P2RX6: variants seen among roughly 807,000 people sequenced by gnomAD.
P2RX6 encodes P2X purinoceptor 6.
In P2RX6, 62 loss-of-function variants were observed where a neutral mutation model predicts 54.2. The observed-to-expected ratio is 1.14, with a 90% CI of 0.93 to 1.41. The LOEUF (loss-of-function observed/expected upper bound fraction) is 1.41, where lower values mean the gene tolerates loss of function less well. P2RX6 is among the 40% of genes most tolerant of loss of function. The probability of loss-of-function intolerance (pLI) is 0.00; values close to 1 mark genes in which losing one functional copy is unlikely to be tolerated. For missense variants in P2RX6, 541 were observed against 566.3 expected, an observed-to-expected ratio of 0.96 and a Z score of 0.45; for synonymous variants, 211 against 231.9, an observed-to-expected ratio of 0.91 and a Z score of 0.82.
In P2RX6 at chr22:21,026,384, T is replaced by C. The variant is rs775056506; in HGVS notation, c.1129-36T>C. On this transcript the variant is annotated intron_variant, in intron 11 of 11. Coordinates refer to ENST00000413302, the MANE Select transcript of P2RX6 (RefSeq NM_005446.5). The surrounding 1 kb of genome is among the most constrained non-coding windows in gnomAD (Gnocchi z 4.0). ...GGGTTCTGCCACACTTAGGAAGATG[T>C]TGGCTGGATCCCTGACCTGCTGTCC... The C allele has an allele frequency of 1.3e-6, 2 of 1,587,780 alleles. No individual in the cohort carries two copies. Among genetic ancestry groups the C allele is most frequent in the Non-Finnish European group, 1.7e-6 (2 of 1,166,998 alleles).
upstream of P2RX6, chr22:21,012,745 A>AC: frequency 3.3e-6 from 1 of 303,660 alleles, no homozygotes; most frequent in East Asian, 8.0e-5. Flanking sequence ...CCTGGAAAGT[A>AC]CCCCCCTTTC....
intron 2 of P2RX6, among the ~76,000 whole-genome samples, chr22:21,016,660 G>A (rs1926446860): frequency 1.3e-5 from 2 of 151,780 alleles, no homozygotes; most frequent in Admixed American, 1.3e-4. Context: ...AGAAGGGAGT[G>A]TCCAGGACTA....
Position 21,025,993 on chromosome 22 carries a change from A to G in P2RX6, c.985-18A>G. On this transcript the variant is annotated intron_variant, in intron 9 of 11. Coordinates refer to ENST00000413302, the MANE Select transcript of P2RX6 (RefSeq NM_005446.5). ...CTGACAGTCGTGGGCTGAGAGGTTC[A>G]GCTCAGATCTCTCTCAGGCAGGGAA... 1 of 1,606,202 alleles carries G rather than the reference A, an allele frequency of 6.2e-7. No individual in the cohort carries two copies.
chr22:21,015,162 G>C (rs1926105373), upstream of P2RX6: 2 of 1,463,486 alleles, frequency 1.4e-6, no homozygotes, highest in African/African-American at 3.0e-5. Context: ...GGCTGCAGCT[G>C]CCATGCTGAC....
intron 8 of P2RX6, among the ~76,000 whole-genome samples, chr22:21,024,809 G>A (rs1053948439): frequency 1.3e-4 from 20 of 150,494 alleles, no homozygotes; most frequent in African/African-American, 4.6e-4. Flanking sequence ...GACCTCAGGT[G>A]ATCTGCCCAC....
intron 8 of P2RX6, among the ~76,000 whole-genome samples, chr22:21,024,817 C>G (rs6519735): frequency 0.49 from 71,791 of 146,720 alleles, 17,760 homozygotes; most frequent in South Asian, 0.67. Flanking sequence ...GTGATCTGCC[C>G]ACTTCAGCCT....
chr22:21,014,944 A>C (rs1201781429), upstream of P2RX6: 1 of 443,898 alleles, frequency 2.3e-6, no homozygotes, highest in East Asian at 3.9e-5. Flanking sequence ...GTGAGGCCAG[A>C]GGGCAGGGAC....
At position 21,015,267 on chromosome 22, in the gene P2RX6, G is replaced by T; in HGVS notation, c.93G>T (p.Val31=). 6.5e-7 allele frequency: 1 copy of T among 1,549,200 alleles called. No homozygotes were observed. Among genetic ancestry groups the T allele is most frequent in the Non-Finnish European group, 8.6e-7 (1 of 1,156,968 alleles). The change falls in exon 1 of 12, where the codon GTG becomes GTT. Residue 31 remains valine (V), a synonymous_variant. Transcript: ENST00000413302. The stretch of plus-strand genomic sequence containing the variant: ...TGGATTATAAGACGGAGAAGTATGT[G>T]ATGACCAGGAACTGGCGGGTGGGCG... ...GLLDYKTEKY[V]MTRNWRVGAL... is the part of the protein sequence containing the mutation.
rs146202031 is a variant in P2RX6 at position 21,023,069 on chromosome 22, C to T, written c.557+34C>T. ...CCCCACAATCCCCTACCCCAACTGG[C>T]GCAGGGCCCCAGGCCTGGCAGAGGC... On this transcript the variant is annotated intron_variant, in intron 5 of 11. Coordinates refer to ENST00000413302, the MANE Select transcript of P2RX6 (RefSeq NM_005446.5). The T allele has an allele frequency of 1.2e-3, 1,991 of 1,608,246 alleles. 3 individuals carry two copies. The highest frequency in any genetic ancestry group is 1.6e-3 in the Non-Finnish European group (1,860 of 1,174,726).
intron 3 of P2RX6, among the ~76,000 whole-genome samples, chr22:21,019,556 C>T (rs1272963011): frequency 6.6e-6 from 1 of 152,234 alleles, no homozygotes; most frequent in Non-Finnish European, 1.5e-5. Context: ...TCAGGTGACC[C>T]ACCAGCCTCG....
chr22:21,013,507 G>C (rs1326954317), upstream of P2RX6, among the ~76,000 whole-genome samples: 1 of 152,228 alleles, frequency 6.6e-6, no homozygotes, highest in African/African-American at 2.4e-5. Context: ...AGGCTCACCA[G>C]AGTGCAGAGT....
chr22:21,027,030 C>T lies in P2RX6; in HGVS notation c.*413C>T, dbSNP rs1292775673. Reference sequence around the variant, plus strand: ...GGCCCTCCTCCCCCATCTGCACCCCCATCATAGGTAGAGACCCCACCCTCC... The same window carrying T: ...GGCCCTCCTCCCCCATCTGCACCCCTATCATAGGTAGAGACCCCACCCTCC... On this transcript the variant is annotated 3_prime_UTR_variant, in exon 12 of 12. Transcript: ENST00000413302. 6.6e-5 allele frequency: 14 copies of T among 210,956 alleles called. No individual in the cohort carries two copies. In the Admixed American group the frequency reaches 6.8e-4, roughly 10 times the overall value. The allele number at this position is 210,956 out of a possible 1,614,324, so 13.1% of individuals were successfully genotyped here.
At chr22:21,013,671 A>G (rs887124488), upstream of P2RX6, 2 of 152,270 alleles carry the variant, frequency 1.3e-5, no homozygotes, top group Non-Finnish European at 2.9e-5. Context: ...GACAAATGGC[A>G]CACTATGTCT....
At chr22:21,013,089 C>A, upstream of P2RX6, 2 of 162,076 alleles carry the variant, frequency 1.2e-5, no homozygotes, top group South Asian at 3.4e-4. Flanking sequence ...GGGGCACTCC[C>A]TTGGCACAGA....
At chr22:21,018,351 G>C in intron 3 of P2RX6, 1 of 415,650 alleles carries the variant, frequency 2.4e-6, no homozygotes, top group Non-Finnish European at 4.5e-6. Flanking sequence ...CCCGAGCTCT[G>C]GGCAGCAGCA....
chr22:21,020,440 G>A (rs113222290), intron 3 of P2RX6, among the ~76,000 whole-genome samples: 2,560 of 152,154 alleles, frequency 0.017, 187 homozygotes, highest in Admixed American at 0.13. Context: ...TGGGCCAGGG[G>A]GCTAGCTAGG....
intron 8 of P2RX6, among the ~76,000 whole-genome samples, chr22:21,025,382 G>A (rs1928241847): frequency 6.6e-6 from 1 of 151,966 alleles, no homozygotes; most frequent in Non-Finnish European, 1.5e-5. Context: ...GAAACCACGT[G>A]GGGCTGGCTC....
chr22:21,011,654 T>TA, upstream of P2RX6: 1 of 607,602 alleles, frequency 1.6e-6, no homozygotes, highest in South Asian at 1.6e-5. Flanking sequence ...CCCTCCCCCC[T>TA]CTTCTGCCAT....
Position 21,026,986 on chromosome 22 carries a change from C to T in P2RX6, c.*369C>T, listed in dbSNP as rs923325653. On this transcript the variant is annotated 3_prime_UTR_variant, in exon 12 of 12. Coordinates refer to ENST00000413302, the MANE Select transcript of P2RX6 (RefSeq NM_005446.5). The surrounding 1 kb of genome is among the most constrained non-coding windows in gnomAD (Gnocchi z 4.0). Reference sequence around the variant, plus strand: ...TGCTTACCAGCTGTCAGCACAGACCCTCCTGCTGCCTGGGTCCTGGCCCTC... The same window carrying T: ...TGCTTACCAGCTGTCAGCACAGACCTTCCTGCTGCCTGGGTCCTGGCCCTC... 2 of 247,620 alleles carry T rather than the reference C, an allele frequency of 8.1e-6. No homozygotes were observed. The highest frequency in any genetic ancestry group is 8.0e-5 in the South Asian group (1 of 12,558). 15.3% of individuals were successfully genotyped at this position (247,620 alleles called of 1,614,324 possible).
Sources: gnomAD v4.1 joint callset for allele counts (sites outside exome capture counted in the v4.1 genomes callset) on GRCh38, gnomAD v4.1.1 for gene constraint, Gnocchi (gnomAD v3.1) non-coding constraint, MANE v1.5 for transcripts, NCBI Gene and HGNC (gene_info 2026-07-23, HGNC 2026-07-21) for gene names.